ARMH4: variants seen among roughly 807,000 people sequenced by gnomAD.
The protein encoded by ARMH4 is armadillo like helical domain containing 4.
ARMH4 carries 49 observed loss-of-function variants against 61.9 expected under a neutral mutation model. That is an observed-to-expected ratio of 0.79 (90% CI 0.63 to 1.00). ARMH4 has a LOEUF of 1.00. Among genes scored for constraint, ARMH4 ranks in the 50% least tolerant of loss-of-function variants. The pLI is 0.00. For missense variants in ARMH4, 934 were observed against 930.0 expected, an observed-to-expected ratio of 1.00 and a Z score of -0.06; for synonymous variants, 368 against 341.5, an observed-to-expected ratio of 1.08 and a Z score of -0.85.
At chr14:58,084,526 A>G (rs58172472) in intron 5 of ARMH4, among the ~76,000 whole-genome samples, 7,793 of 152,286 alleles carry the variant, frequency 0.051, 234 homozygotes, top group Middle Eastern at 0.12. Flanking sequence ...AATCTTCGGC[A>G]GTTGAAAGTT....
At chr14:58,104,368 T>A (rs1368572925) in intron 4 of ARMH4, among the ~76,000 whole-genome samples, 1 of 152,200 alleles carries the variant, frequency 6.6e-6, no homozygotes, top group Non-Finnish European at 1.5e-5. Flanking sequence ...ACTTATAAGA[T>A]TTACTATTTG....
intron 5 of ARMH4, among the ~76,000 whole-genome samples, chr14:58,016,928 A>G (rs1236852064): frequency 6.6e-6 from 1 of 152,238 alleles, no homozygotes; most frequent in Non-Finnish European, 1.5e-5. Context: ...CAAGACAAGG[A>G]TGCTCACTCT....
At chr14:58,021,229 A>T (rs999040138) in intron 5 of ARMH4, among the ~76,000 whole-genome samples, 1 of 152,186 alleles carries the variant, frequency 6.6e-6, no homozygotes, top group African/African-American at 2.4e-5. Context: ...TGTAACTGCC[A>T]CTATCCTCAC....
At chr14:58,120,807 T>G (rs969954745) in intron 4 of ARMH4, among the ~76,000 whole-genome samples, 1 of 152,152 alleles carries the variant, frequency 6.6e-6, no homozygotes, top group Non-Finnish European at 1.5e-5. Flanking sequence ...AGATCTAGCT[T>G]CGTTAATGGA....
chr14:58,131,836 A>G, intron 3 of ARMH4, 115 bp from the exon 4 acceptor site: 1 of 951,378 alleles, frequency 1.1e-6, no homozygotes, highest in Non-Finnish European at 1.6e-6. Context: ...ACAATACAGC[A>G]AGTTTGGCAC....
chr14:58,144,449 G>A (rs1290529350), intron 1 of ARMH4, among the ~76,000 whole-genome samples: 1 of 152,196 alleles, frequency 6.6e-6, no homozygotes, highest in Admixed American at 6.5e-5. Context: ...GGAGGCTGAG[G>A]TGGGAGAATC....
chr14:58,141,033 T>C (rs1158549837), intron 1 of ARMH4, among the ~76,000 whole-genome samples: 1 of 152,172 alleles, frequency 6.6e-6, no homozygotes, highest in Non-Finnish European at 1.5e-5. Context: ...ACCTTGATCT[T>C]GGACTTCCCA....
chr14:58,072,271 T>C (rs1884906182), intron 5 of ARMH4, among the ~76,000 whole-genome samples: 1 of 152,230 alleles, frequency 6.6e-6, no homozygotes, highest in African/African-American at 2.4e-5. Context: ...AACTTTTTTT[T>C]CTGAAGAGAC....
intron 4 of ARMH4, among the ~76,000 whole-genome samples, chr14:58,120,540 A>C (rs913264130): frequency 6.6e-6 from 1 of 152,038 alleles, no homozygotes; most frequent in Non-Finnish European, 1.5e-5. Context: ...AAAATATTTG[A>C]AGAGATATAT....
rs547061097 is a variant in ARMH4, at chr14:58,046,884, C to T, written c.2090-34734G>A. Among the ~76,000 whole-genome samples the T allele has an allele frequency of 3.0e-4, 46 of 152,226 alleles. 1 individual carries two copies. Among genetic ancestry groups the T allele is most frequent in the African/African-American group, 9.6e-4 (40 of 41,520 alleles). On this transcript the variant is annotated intron_variant, in intron 5 of 7. Coordinates refer to ENST00000267485, the MANE Select transcript of ARMH4 (RefSeq NM_001001872.4). ...GTAACCGTAAGCCTACATAAAACTC[C>T]GAATCCTGATAGCTCTTTTATATTA...
intron 5 of ARMH4, among the ~76,000 whole-genome samples, chr14:58,094,329 C>CAAAAAAAAAAAAAAAAAAAAAAAAAAA (rs759288462): frequency 3.4e-5 from 4 of 117,650 alleles, no homozygotes; most frequent in African/African-American, 1.3e-4. Flanking sequence ...GACGCTTTCT[C>CAAAAAAAAAAAAAAAAAAAAAAAAAAA]AAAAAAAAAA....
chr14:58,130,066 A>T (rs930047373), intron 4 of ARMH4, among the ~76,000 whole-genome samples: 2 of 151,990 alleles, frequency 1.3e-5, no homozygotes, highest in Non-Finnish European at 2.9e-5. Flanking sequence ...ATTCACAAAT[A>T]TTTTTTTTCT....
At chr14:58,043,188 C>T (rs180705306) in intron 5 of ARMH4, among the ~76,000 whole-genome samples, 2,360 of 152,160 alleles carry the variant, frequency 0.016, 21 homozygotes, top group Middle Eastern at 0.024. Flanking sequence ...TGAAGAACAT[C>T]GATGCAAAAA....
At chr14:58,046,629 A>G (rs1455317412) in intron 5 of ARMH4, among the ~76,000 whole-genome samples, 3 of 152,360 alleles carry the variant, frequency 2.0e-5, no homozygotes, top group East Asian at 3.9e-4. Flanking sequence ...GGCCCAGCTC[A>G]GCAACTACAG....
intron 5 of ARMH4, among the ~76,000 whole-genome samples, chr14:58,018,905 C>A (rs1282113990): frequency 6.6e-6 from 1 of 151,898 alleles, no homozygotes; most frequent in African/African-American, 2.4e-5. Flanking sequence ...AATGTGGTTA[C>A]TGTATATAAA....
intron 5 of ARMH4, among the ~76,000 whole-genome samples, chr14:58,077,742 C>G (rs959305214): frequency 3.3e-5 from 5 of 152,210 alleles, no homozygotes; most frequent in Non-Finnish European, 4.4e-5. Flanking sequence ...CCCAAATTCA[C>G]AGAGCTAGCA....
intron 5 of ARMH4, among the ~76,000 whole-genome samples, chr14:58,019,607 A>G (rs1882741330): frequency 6.6e-6 from 1 of 151,942 alleles, no homozygotes; most frequent in East Asian, 1.9e-4. Flanking sequence ...CCTGGCCAAC[A>G]AGGTGAAACC....
At chr14:58,131,993 A>C (rs1296316887) in intron 3 of ARMH4, among the ~76,000 whole-genome samples, 1 of 152,222 alleles carries the variant, frequency 6.6e-6, no homozygotes, top group African/African-American at 2.4e-5. Context: ...TTCTATTGGC[A>C]ATATTATGGA....
Position 58,005,107 on chromosome 14 carries a change from A to G in ARMH4, c.2197T>C (p.Tyr733His). The change falls in exon 7 of 8, where the codon TAC becomes CAC. Residue 733 changes from tyrosine (Y) to histidine (H), a missense_variant. Physicochemically the swap from Tyr to His is moderately conservative, Grantham distance 83. Transcript: ENST00000267485. ...CGGCGATTCATAACCTTAATGCTGT[A>G]GAGGGCTCCCAAGATGAACAAGGCT... ...AGALFILGAL[Y>H]SIKVMNRRRR... is the part of the protein sequence containing the mutation. 1 of 1,614,080 alleles carries G rather than the reference A, an allele frequency of 6.2e-7. No homozygotes were observed. The highest frequency in any genetic ancestry group is 8.5e-7 in the Non-Finnish European group (1 of 1,179,962).
Sources: allele counts gnomAD v4.1 joint callset (sites outside exome capture counted in the v4.1 genomes callset), GRCh38; gene constraint gnomAD v4.1.1; transcripts MANE v1.5; gene names NCBI Gene and HGNC (gene_info 2026-07-23, HGNC 2026-07-21).